The following KALRN variants were observed in gnomAD, a reference collection of about 807,000 sequenced individuals.
KALRN encodes the protein kalirin RhoGEF kinase, also known as kalirin.
Under a neutral mutation model 353.7 loss-of-function variants are expected in KALRN, and 70 were observed. That is an observed-to-expected ratio of 0.20 (90% CI 0.16 to 0.24). KALRN has a LOEUF of 0.24. Among genes scored for constraint, KALRN ranks in the 10% least tolerant of loss-of-function variants. KALRN has a pLI of 1.00. For synonymous variants in KALRN, 1,391 were observed against 1,434.8 expected (o/e 0.97, Z 0.69); for missense variants, 2,791 against 3,756.7 (o/e 0.74, Z 6.72).
intron 1 of KALRN, among the ~76,000 whole-genome samples, chr3:124,035,150 A>G (rs1436566464): frequency 6.6e-6 from 1 of 151,864 alleles, no homozygotes; most frequent in East Asian, 1.9e-4. Context: ...TCCCAGGTCT[A>G]AGCCTTCTTT....
intron 1 of KALRN, among the ~76,000 whole-genome samples, chr3:124,064,882 C>T (rs1439241254): frequency 1.3e-5 from 2 of 152,140 alleles, no homozygotes; most frequent in Admixed American, 6.5e-5. Flanking sequence ...CTCAAAATTT[C>T]CTCCCCTCTT....
At chr3:124,408,216 C>T (rs2091788051) in intron 13 of KALRN, among the ~76,000 whole-genome samples, 1 of 152,026 alleles carries the variant, frequency 6.6e-6, no homozygotes, top group African/African-American at 2.4e-5. Flanking sequence ...ATTTAAAAGG[C>T]TCATGTGAAG....
At chr3:124,391,010 GT>G (rs1680536239) in intron 11 of KALRN, among the ~76,000 whole-genome samples, 1 of 152,040 alleles carries the variant, frequency 6.6e-6, no homozygotes, top group Non-Finnish European at 1.5e-5. Flanking sequence ...TCCTTTAACT[GT>G]TCCCCTATCA....
intron 56 of KALRN, among the ~76,000 whole-genome samples, chr3:124,701,480 T>C (rs1398119093): frequency 1.3e-5 from 2 of 149,260 alleles, no homozygotes. Flanking sequence ...CTCGACCTCC[T>C]GAGCTCAAGT....
At chr3:124,256,822 A>C (rs904461344) in intron 3 of KALRN, among the ~76,000 whole-genome samples, 3 of 152,186 alleles carry the variant, frequency 2.0e-5, no homozygotes, top group African/African-American at 7.2e-5. Flanking sequence ...GGTGTACGAC[A>C]AGAAGCAGAA....
At chr3:124,628,239 T>G (rs1453699839) in intron 34 of KALRN, among the ~76,000 whole-genome samples, 4 of 26,020 alleles carry the variant, frequency 1.5e-4, no homozygotes, top group African/African-American at 1.0e-3. Flanking sequence ...CTTCCTTCCC[T>G]CCCTCCCTTC....
chr3:124,421,677 T>C (rs2092789182), intron 14 of KALRN, among the ~76,000 whole-genome samples: 1 of 152,176 alleles, frequency 6.6e-6, no homozygotes. Flanking sequence ...AAATTCAAGT[T>C]ACTAGTGGAG....
chr3:124,626,074 C>T (rs1040045087), intron 34 of KALRN, among the ~76,000 whole-genome samples: 1 of 151,588 alleles, frequency 6.6e-6, no homozygotes, highest in Non-Finnish European at 1.5e-5. Context: ...GAGTAAGACT[C>T]TGTCTCAAAG....
At chr3:124,274,399 C>T (rs576230851) in intron 5 of KALRN, among the ~76,000 whole-genome samples, 3 of 152,344 alleles carry the variant, frequency 2.0e-5, no homozygotes, top group Non-Finnish European at 2.9e-5. Flanking sequence ...CGAAGAGTTC[C>T]GGTGCATAAC....
intron 10 of KALRN, among the ~76,000 whole-genome samples, chr3:124,362,046 G>T (rs2084107503): frequency 6.6e-6 from 1 of 152,116 alleles, no homozygotes; most frequent in South Asian, 2.1e-4. Context: ...TGGCATTCAG[G>T]GTAATGGGGG....
At chr3:124,417,910 G>A (rs908343669) in intron 14 of KALRN, among the ~76,000 whole-genome samples, 3 of 152,204 alleles carry the variant, frequency 2.0e-5, no homozygotes, top group Non-Finnish European at 4.4e-5. Flanking sequence ...TTCTGTTGAA[G>A]TTATTTGTAT....
intron 57 of KALRN, 145 bp from the exon 58 acceptor site, chr3:124,712,790 A>C (rs1278325002): frequency 3.7e-6 from 2 of 536,842 alleles, no homozygotes; most frequent in Non-Finnish European, 6.4e-6. Context: ...GGATTCTCTG[A>C]ATAACATTAT....
chr3:124,089,486 A>G (rs142118588), intron 1 of KALRN, among the ~76,000 whole-genome samples: 35 of 152,188 alleles, frequency 2.3e-4, no homozygotes, highest in Admixed American at 4.6e-4. Flanking sequence ...AAGTAACACC[A>G]TCTCCTTTGA....
intron 1 of KALRN, chr3:124,152,397 A>G (rs2068241983): frequency 4.1e-6 from 5 of 1,223,636 alleles, no homozygotes; most frequent in Admixed American, 1.7e-5. Flanking sequence ...GGCTCACACT[A>G]TTGATACCTC....
intron 23 of KALRN, among the ~76,000 whole-genome samples, chr3:124,459,542 G>A (rs549346364): frequency 6.6e-6 from 1 of 152,290 alleles, no homozygotes; most frequent in Non-Finnish European, 1.5e-5. Flanking sequence ...TTCTTTGGTT[G>A]TTTGGTAGGG....
At chr3:124,539,992 C>T (rs1039707629) in intron 33 of KALRN, among the ~76,000 whole-genome samples, 2 of 152,012 alleles carry the variant, frequency 1.3e-5, no homozygotes, top group African/African-American at 4.8e-5. Context: ...TCACTGCAAC[C>T]TCCGCCTCCC....
intron 52 of KALRN, 111 bp downstream of exon 52, chr3:124,693,942 T>C: frequency 6.6e-6 from 5 of 751,918 alleles, no homozygotes; most frequent in Non-Finnish European, 8.8e-6. Context: ...TCTGTATCAA[T>C]GGACAAGGAA....
At chr3:124,202,580 AC>A (rs2076048738) in intron 1 of KALRN, among the ~76,000 whole-genome samples, 1 of 151,934 alleles carries the variant, frequency 6.6e-6, no homozygotes, top group African/African-American at 2.4e-5. Context: ...AAGTCGGGTA[AC>A]CTAATTTTCT....
At chr3:124,399,600 A>G (rs963963666) in intron 13 of KALRN, among the ~76,000 whole-genome samples, 9 of 152,246 alleles carry the variant, frequency 5.9e-5, no homozygotes, top group African/African-American at 2.2e-4. Context: ...CTGATAATAT[A>G]AATCATGCGT....
Sources: gnomAD v4.1 joint callset for allele counts (sites outside exome capture counted in the v4.1 genomes callset) on GRCh38, gnomAD v4.1.1 for gene constraint, MANE v1.5 for transcripts, NCBI Gene and HGNC (gene_info 2026-07-23, HGNC 2026-07-21) for gene names.